The following HDAC4 variants were observed in gnomAD, a reference collection of about 807,000 sequenced individuals.
HDAC4 encodes the protein histone deacetylase 4.
HDAC4 carries 16 observed loss-of-function variants against 135.1 expected under a neutral mutation model. The ratio of observed to expected loss-of-function variants is 0.12; its 90% confidence interval spans 0.08 to 0.18. The LOEUF is 0.18. Ranked by LOEUF, HDAC4 falls within the 10% of genes least tolerant of loss-of-function variation. The pLI is 1.00. For synonymous variants in HDAC4, 685 were observed against 653.4 expected (o/e 1.05, Z -0.74); for missense variants, 1,143 against 1,511.8 (o/e 0.76, Z 4.05).
intron 3 of HDAC4, among the ~76,000 whole-genome samples, chr2:239,222,679 T>G (rs2047028218): frequency 6.6e-6 from 1 of 152,154 alleles, no homozygotes; most frequent in African/African-American, 2.4e-5. Flanking sequence ...GACAAAGCAT[T>G]CCTGGAAAAT....
At chr2:239,321,891 G>A (rs866150092) in intron 2 of HDAC4, among the ~76,000 whole-genome samples, 8 of 152,146 alleles carry the variant, frequency 5.3e-5, no homozygotes, top group Admixed American at 1.3e-4. Flanking sequence ...ACTGCGAGTC[G>A]TCCAGGTTCT....
At chr2:239,233,810 G>A (rs778820823) in intron 3 of HDAC4, among the ~76,000 whole-genome samples, 8 of 152,210 alleles carry the variant, frequency 5.3e-5, no homozygotes, top group Non-Finnish European at 7.3e-5. Context: ...CAAAGGGAGC[G>A]AGCTCTCACA....
chr2:239,111,206 G>A lies in HDAC4; in HGVS notation c.1978+320C>T, dbSNP rs925550043. Among the ~76,000 whole-genome samples, 8 of 152,352 alleles carry A rather than the reference G, an allele frequency of 5.3e-5. No homozygotes were observed. The East Asian group carries it at 9.6e-4, about 18-fold the overall frequency. On this transcript the variant is annotated intron_variant, in intron 14 of 26. Coordinates refer to ENST00000543185, the MANE Select transcript of HDAC4 (RefSeq NM_001378414.1). ...AGCGTGGGCTCATGATTCCTGAGCCGGACCAGAAGCTGTAGGTTCTCATGG... is the reference window on the plus strand; with the variant it reads ...AGCGTGGGCTCATGATTCCTGAGCCAGACCAGAAGCTGTAGGTTCTCATGG...
intron 2 of HDAC4, among the ~76,000 whole-genome samples, chr2:239,316,589 A>G (rs570099812): frequency 6.6e-6 from 1 of 152,194 alleles, no homozygotes; most frequent in African/African-American, 2.4e-5. Flanking sequence ...CAGTATACCA[A>G]TGGGCCCTAG....
chr2:239,322,616 G>T (rs2053351418), intron 2 of HDAC4, among the ~76,000 whole-genome samples: 1 of 152,198 alleles, frequency 6.6e-6, no homozygotes, highest in African/African-American at 2.4e-5. Context: ...CTTTTCCTGT[G>T]TGGTTCACCA....
At position 239,120,086 on chromosome 2, in the gene HDAC4, C is replaced by T. The variant is rs541554783; in HGVS notation, c.1534-4776G>A. Among the ~76,000 whole-genome samples, 8 of 152,244 alleles carry T rather than the reference C, an allele frequency of 5.3e-5. No individual in the cohort carries two copies. The East Asian group carries it at 7.8e-4, about 15-fold the overall frequency. ...CACAGAGGAGGTGCTGGCCCCGGGACGGGGAGGTGGGTAGAGGGCAGCTCA... is the reference window on the plus strand; with the variant it reads ...CACAGAGGAGGTGCTGGCCCCGGGATGGGGAGGTGGGTAGAGGGCAGCTCA... On this transcript the variant is annotated intron_variant, in intron 12 of 26. Transcript: ENST00000543185.
rs1412852455 is a variant in HDAC4 at position 239,120,366 on chromosome 2, T to C, written c.1534-5056A>G. Reference sequence around the variant, plus strand: ...ACATACAGATACATACACACACAGATACATATACCCGCAGAGGCACACACA... The same window carrying C: ...ACATACAGATACATACACACACAGACACATATACCCGCAGAGGCACACACA... On this transcript the variant is annotated intron_variant, in intron 12 of 26. Coordinates refer to ENST00000543185, the MANE Select transcript of HDAC4 (RefSeq NM_001378414.1). Among the ~76,000 whole-genome samples, 689 of 122,524 alleles carry C rather than the reference T, an allele frequency of 5.6e-3. 5 individuals are homozygous for C. Among genetic ancestry groups the C allele is most frequent in the African/African-American group, 0.022 (632 of 29,364 alleles). 80.4% of individuals were successfully genotyped at this position (122,524 alleles called of 152,430 possible).
intron 3 of HDAC4, among the ~76,000 whole-genome samples, chr2:239,202,027 AC>A (rs2045787389): frequency 6.6e-6 from 1 of 151,804 alleles, no homozygotes; most frequent in Non-Finnish European, 1.5e-5. Context: ...CCCAGCCTCC[AC>A]CCCCCTGCAG....
chr2:239,117,852 C>T (rs1010727172), intron 12 of HDAC4, among the ~76,000 whole-genome samples: 7 of 152,176 alleles, frequency 4.6e-5, no homozygotes, highest in African/African-American at 1.7e-4. Context: ...GGATGGATCT[C>T]GGCACCGCAT....
intron 24 of HDAC4, among the ~76,000 whole-genome samples, chr2:239,063,469 G>T (rs2106544773): frequency 6.6e-6 from 1 of 152,288 alleles, no homozygotes; most frequent in Non-Finnish European, 1.5e-5. Context: ...CTCCCAAAGT[G>T]CTGGGATTAC....
At chr2:239,230,870 G>A (rs1038659528) in intron 3 of HDAC4, among the ~76,000 whole-genome samples, 18 of 152,044 alleles carry the variant, frequency 1.2e-4, no homozygotes, top group African/African-American at 4.3e-4. Context: ...CTCACCAAAC[G>A]AAACAATGCA....
At chr2:239,145,702 G>A (rs928409102) in intron 7 of HDAC4, among the ~76,000 whole-genome samples, 1 of 152,174 alleles carries the variant, frequency 6.6e-6, no homozygotes, top group African/African-American at 2.4e-5. Flanking sequence ...TTGCACATTA[G>A]GGAGATTTTA....
chr2:239,392,371 T>C lies in HDAC4; in HGVS notation c.-220+8607A>G, dbSNP rs1422741632. 7.2e-5 allele frequency among the ~76,000 whole-genome samples: 11 copies of C among 152,288 alleles called. No individual in the cohort carries two copies. In the East Asian group the frequency reaches 2.1e-3, roughly 29 times the overall value. ...CAGAGCCCTTGAGCTGGCAAACAAGTGTTCTCCAAAGAATGGGGACTGTGA... is the reference window on the plus strand; with the variant it reads ...CAGAGCCCTTGAGCTGGCAAACAAGCGTTCTCCAAAGAATGGGGACTGTGA... On this transcript the variant is annotated intron_variant, in intron 1 of 26. Coordinates refer to ENST00000543185, the MANE Select transcript of HDAC4 (RefSeq NM_001378414.1).
chr2:239,167,048 G>A lies in HDAC4; in HGVS notation c.491-3125C>T, dbSNP rs553096580. On this transcript the variant is annotated intron_variant, in intron 5 of 26. Transcript: ENST00000543185. This position sits in a 1 kb window ranked among gnomAD's most constrained non-coding sequence, Gnocchi z 4.1. ...TGAGGACCCAGATGGCCAGTTGTTG[G>A]AGGGGACTGCCCTGCAGGTCCCCCT... Among the ~76,000 whole-genome samples, 1 of 152,134 alleles carries A rather than the reference G, an allele frequency of 6.6e-6. No individual in the cohort carries two copies. The highest frequency in any genetic ancestry group is 2.1e-4 in the South Asian group (1 of 4,798).
chr2:239,372,914 C>G (rs1694734988), intron 1 of HDAC4, among the ~76,000 whole-genome samples: 1 of 152,126 alleles, frequency 6.6e-6, no homozygotes, highest in Admixed American at 6.5e-5. Context: ...GACTTCTCAG[C>G]ATCTTCCGTT....
At position 239,306,120 on chromosome 2, in the gene HDAC4, G is replaced by A. The variant is rs1350608839; in HGVS notation, c.22+46558C>T. ...GGTCCCAAAGAATGCTGCCCACCTC[G>A]GTCAGCCTTGCTTCTAGAAACCGAG... is the stretch of plus-strand genomic sequence containing the variant. On this transcript the variant is annotated intron_variant, in intron 2 of 26. Transcript: ENST00000543185. The surrounding 1 kb of genome is among the most constrained non-coding windows in gnomAD (Gnocchi z 4.5). 6.6e-6 allele frequency among the ~76,000 whole-genome samples: 1 copy of A among 152,108 alleles called. No homozygotes were observed. The highest frequency in any genetic ancestry group is 1.5e-5 in the Non-Finnish European group (1 of 68,004).
intron 7 of HDAC4, among the ~76,000 whole-genome samples, chr2:239,145,272 G>A (rs894069551): frequency 5.3e-5 from 8 of 152,074 alleles, no homozygotes; most frequent in East Asian, 1.9e-4. Context: ...CCTCCAGAGC[G>A]TGAGGCTGCT....
chr2:239,201,834 T>C lies in HDAC4; in HGVS notation c.95-11757A>G, dbSNP rs145692490. Among the ~76,000 whole-genome samples the C allele has an allele frequency of 1.4e-3, 214 of 152,306 alleles. 2 individuals are homozygous for C. Among genetic ancestry groups the C allele is most frequent in the African/African-American group, 4.8e-3 (200 of 41,560 alleles). On this transcript the variant is annotated intron_variant, in intron 3 of 26. Transcript: ENST00000543185. ...ATTTTACTCCACTGTCTTTTTGTTT[T>C]TGTTTTTATGTAAATCGGCTTTCAC...
chr2:239,165,576 C>G (rs994196446), intron 5 of HDAC4, among the ~76,000 whole-genome samples: 1 of 152,194 alleles, frequency 6.6e-6, no homozygotes, highest in Non-Finnish European at 1.5e-5. Flanking sequence ...TATGCCAGCC[C>G]TGGCCTGGTT....
Sources: allele counts gnomAD v4.1 joint callset (sites outside exome capture counted in the v4.1 genomes callset), GRCh38; gene constraint gnomAD v4.1.1; non-coding constraint Gnocchi (gnomAD v3.1); transcripts MANE v1.5; gene names NCBI Gene and HGNC (gene_info 2026-07-23, HGNC 2026-07-21).